ZFC3H1: variants seen among roughly 807,000 people sequenced by gnomAD.
ZFC3H1 encodes the protein zinc finger C3H1 domain-containing protein.
Under a neutral mutation model 243.7 loss-of-function variants are expected in ZFC3H1, and 71 were observed. The observed-to-expected ratio is 0.29, with a 90% CI of 0.24 to 0.36. ZFC3H1 has a LOEUF of 0.36. Ranked by LOEUF, ZFC3H1 falls within the 10% of genes least tolerant of loss-of-function variation. The pLI, the probability that ZFC3H1 is intolerant of heterozygous loss-of-function variation, is 1.00. For synonymous variants in ZFC3H1, 838 were observed against 813.0 expected, an observed-to-expected ratio of 1.03 and a Z score of -0.52; for missense variants, 1,966 against 2,317.1, an observed-to-expected ratio of 0.85 and a Z score of 3.11.
intron 2 of ZFC3H1, chr12:71,656,277 T>TA: frequency 3.1e-6 from 1 of 317,758 alleles, no homozygotes; most frequent in Non-Finnish European, 5.6e-6. Flanking sequence ...TGTTAAAAGA[T>TA]AAATTTTACT....
intron 28 of ZFC3H1, 62 bp from the exon 29 acceptor site, chr12:71,615,000 CA>C: frequency 1.4e-6 from 2 of 1,408,458 alleles, no homozygotes; most frequent in South Asian, 2.3e-5. Flanking sequence ...GAAGGAATGA[CA>C]AAGTATTTTA....
At chr12:71,654,298 G>A (rs929796231) in intron 2 of ZFC3H1, among the ~76,000 whole-genome samples, 11 of 152,044 alleles carry the variant, frequency 7.2e-5, no homozygotes, top group Non-Finnish European at 7.4e-5. Flanking sequence ...AAACATAGCC[G>A]GGCATGGTAG....
chr12:71,659,186 GT>G (rs1302724846), intron 1 of ZFC3H1, among the ~76,000 whole-genome samples: 2 of 150,624 alleles, frequency 1.3e-5, no homozygotes, highest in African/African-American at 5.0e-5. Flanking sequence ...CCACAGGAGA[GT>G]TTACCCTGGT....
At position 71,651,386 on chromosome 12, in the gene ZFC3H1, T is replaced by C. The variant is rs116514095; in HGVS notation, c.1016-3573A>G. 4.5e-3 allele frequency among the ~76,000 whole-genome samples: 681 copies of C among 152,328 alleles called. 5 individuals are homozygous for C. The highest frequency in any genetic ancestry group is 0.016 in the African/African-American group (655 of 41,576). On this transcript the variant is annotated intron_variant, in intron 2 of 34. Transcript: ENST00000378743. ...TTCCTACCTACCCTGCTATACTTTT[T>C]CTCTTTCATAACAGTTAATTTACAC...
intron 2 of ZFC3H1, among the ~76,000 whole-genome samples, chr12:71,648,289 C>G (rs1403553958): frequency 6.6e-6 from 1 of 152,152 alleles, no homozygotes; most frequent in African/African-American, 2.4e-5. Flanking sequence ...TCAGTAGAGG[C>G]AGCTTAAGTA....
chr12:71,637,138 G>C, intron 7 of ZFC3H1, 79 bp from the exon 8 acceptor site: 1 of 1,209,832 alleles, frequency 8.3e-7, no homozygotes, highest in East Asian at 2.5e-5. Flanking sequence ...TATTAAACTA[G>C]AAAAAAATAA....
At chr12:71,614,248 GT>G (rs1423781084) in intron 30 of ZFC3H1, among the ~76,000 whole-genome samples, 1 of 151,346 alleles carries the variant, frequency 6.6e-6, no homozygotes, top group South Asian at 2.1e-4. Context: ...CATTTGACGT[GT>G]TTTTTCATTA....
chr12:71,638,545 A>G (rs1432801711), intron 6 of ZFC3H1, 30 bp from the exon 7 acceptor site: 2 of 1,499,996 alleles, frequency 1.3e-6, no homozygotes, highest in Admixed American at 3.9e-5. Context: ...TAAGAGTTTA[A>G]TAACAGAAAT....
chr12:71,615,358 C>A (rs1879869906), intron 27 of ZFC3H1, 42 bp from the exon 28 acceptor site: 1 of 1,272,692 alleles, frequency 7.9e-7, no homozygotes. Context: ...TTACACCTAC[C>A]CACACAGGAA....
chr12:71,615,614 T>G (rs1879876156), intron 27 of ZFC3H1, among the ~76,000 whole-genome samples: 1 of 152,142 alleles, frequency 6.6e-6, no homozygotes, highest in Non-Finnish European at 1.5e-5. Flanking sequence ...CCTCCCAGGT[T>G]CAAGTGATTC....
intron 12 of ZFC3H1, 44 bp downstream of exon 12, chr12:71,634,111 T>C (rs1880396822): frequency 6.4e-7 from 1 of 1,568,136 alleles, no homozygotes; most frequent in Admixed American, 1.9e-5. Flanking sequence ...AATGTATTTC[T>C]CTACCACAGG....
At chr12:71,650,632 A>G (rs1285947185) in intron 2 of ZFC3H1, among the ~76,000 whole-genome samples, 1 of 152,194 alleles carries the variant, frequency 6.6e-6, no homozygotes, top group African/African-American at 2.4e-5. Context: ...ATTATTTAAA[A>G]CAAACAAAAG....
chr12:71,650,386 A>G (rs1024779212), intron 2 of ZFC3H1, among the ~76,000 whole-genome samples: 1 of 152,212 alleles, frequency 6.6e-6, no homozygotes, highest in African/African-American at 2.4e-5. Flanking sequence ...GGGTAGCTAG[A>G]CATTGTTCTA....
At position 71,657,172 on chromosome 12, in the gene ZFC3H1, T is replaced by C. The variant is rs1339380490; in HGVS notation, c.728A>G (p.Asn243Ser). 8 of 1,613,820 alleles carry C rather than the reference T, an allele frequency of 5.0e-6. No homozygotes were observed. Among genetic ancestry groups the C allele is most frequent in the South Asian group, 1.1e-5 (1 of 91,062 alleles). The change falls in exon 2 of 35, where the codon AAT (asparagine) becomes AGT (serine). Residue 243 changes from asparagine to serine, a missense_variant. By Grantham distance (46) the Asn-to-Ser change is conservative (BLOSUM62 1). Around this residue, in one of 4 missense-constraint regions of ZFC3H1, gnomAD observed 484 missense variants for 449.7 expected, o/e 1.08. Transcript: ENST00000378743. The stretch of plus-strand genomic sequence containing the variant: ...ACTCAATGCTAGTTTTTCATCCTTA[T>C]TGATGCATTCTAGTTCCAACTGTAT... ...KQIQLELECI[N>S]KDEKLALSSK...
chr12:71,644,037 A>T, intron 5 of ZFC3H1, 58 bp downstream of exon 5: 1 of 1,434,594 alleles, frequency 7.0e-7, no homozygotes, highest in Non-Finnish European at 9.6e-7. Flanking sequence ...AATCTATGAA[A>T]TATGACTTTA....
chr12:71,663,709 C>T lies in ZFC3H1; in HGVS notation c.-99G>A. Reference sequence around the variant, plus strand: ...TCTTTCCTAACGGACTGGGTCGGTGCGGTCTTACCCTACTCGGACACCAAG... The same window carrying T: ...TCTTTCCTAACGGACTGGGTCGGTGTGGTCTTACCCTACTCGGACACCAAG... On this transcript the variant is annotated 5_prime_UTR_variant, in exon 1 of 35. Transcript: ENST00000378743. 1.4e-6 allele frequency: 2 copies of T among 1,380,362 alleles called. No individual in the cohort carries two copies. Among genetic ancestry groups the T allele is most frequent in the Admixed American group, 2.1e-5 (1 of 48,504 alleles). The allele number at this position is 1,380,362 out of a possible 1,614,324, so 85.5% of individuals were successfully genotyped here.
At chr12:71,636,126 A>G (rs967012626) in intron 9 of ZFC3H1, among the ~76,000 whole-genome samples, 8 of 152,322 alleles carry the variant, frequency 5.3e-5, no homozygotes, top group African/African-American at 1.9e-4. Context: ...CAAAGTATAC[A>G]AAGAGATGGG....
intron 3 of ZFC3H1, among the ~76,000 whole-genome samples, chr12:71,645,343 T>C (rs1215606854): frequency 1.3e-5 from 2 of 152,078 alleles, no homozygotes; most frequent in South Asian, 2.1e-4. Flanking sequence ...TAGAACACGA[T>C]AATGCAAAAA....
chr12:71,613,761 A>C, intron 30 of ZFC3H1: 6 of 179,474 alleles, frequency 3.3e-5, no homozygotes, highest in Admixed American at 1.2e-4. Flanking sequence ...CATCTTGCTC[A>C]TGGAATGCCC....
Sources: allele counts gnomAD v4.1 joint callset (sites outside exome capture counted in the v4.1 genomes callset), GRCh38; gene constraint gnomAD v4.1.1; regional missense constraint gnomAD v4.1.1; transcripts MANE v1.5; gene names NCBI Gene and HGNC (gene_info 2026-07-23, HGNC 2026-07-21).